THSD7A: variants seen among roughly 807,000 people sequenced by gnomAD.
The protein encoded by THSD7A is thrombospondin type 1 domain containing 7A, also known as thrombospondin type-1 domain-containing protein 7A.
In THSD7A, 96 loss-of-function variants were observed where a neutral mutation model predicts 231.3. The observed-to-expected ratio is 0.41, with a 90% CI of 0.35 to 0.49. THSD7A has a LOEUF of 0.49. Among genes scored for constraint, THSD7A ranks in the 20% least tolerant of loss-of-function variants. THSD7A has a pLI of 0.05. For missense variants in THSD7A, 2,290 were observed against 2,070.2 expected (o/e 1.11, Z -2.06); for synonymous variants, 940 against 743.3 (o/e 1.26, Z -4.30).
chr7:11,537,486 A>C (rs1788961239), intron 6 of THSD7A, among the ~76,000 whole-genome samples: 1 of 152,064 alleles, frequency 6.6e-6, no homozygotes. Context: ...TTGTTCAAAA[A>C]TGTGTGGCAT....
At chr7:11,383,851 G>A (rs536935237) in intron 23 of THSD7A, 78 of 152,106 alleles carry the variant, frequency 5.1e-4, no homozygotes, top group African/African-American at 1.8e-3. Context: ...GACCCTGGGA[G>A]ACACTGACAT....
intron 1 of THSD7A, among the ~76,000 whole-genome samples, chr7:11,808,721 A>G (rs1220731735): frequency 6.6e-6 from 1 of 152,154 alleles, no homozygotes; most frequent in Non-Finnish European, 1.5e-5. Flanking sequence ...TATAAACTAT[A>G]ATAATTTGAC....
intron 1 of THSD7A, among the ~76,000 whole-genome samples, chr7:11,769,177 T>TG (rs1783147373): frequency 7.6e-6 from 1 of 131,510 alleles, no homozygotes; most frequent in African/African-American, 2.8e-5. Context: ...TTGGTATTTT[T>TG]GTAGAGATGG....
chr7:11,537,153 T>A (rs1788947282), intron 6 of THSD7A, among the ~76,000 whole-genome samples: 1 of 152,122 alleles, frequency 6.6e-6, no homozygotes, highest in Non-Finnish European at 1.5e-5. Flanking sequence ...AAGAACTACT[T>A]GGGAAAGAAA....
chr7:11,516,705 G>A (rs1212446704), intron 6 of THSD7A, among the ~76,000 whole-genome samples: 1 of 152,162 alleles, frequency 6.6e-6, no homozygotes, highest in Non-Finnish European at 1.5e-5. Flanking sequence ...TTACAGAAAA[G>A]CTGAATTTAA....
intron 15 of THSD7A, among the ~76,000 whole-genome samples, chr7:11,425,514 A>AT (rs1784288884): frequency 1.3e-5 from 2 of 152,132 alleles, no homozygotes. Flanking sequence ...TCCAGGGTCC[A>AT]TAAAGCCTTT....
At chr7:11,738,610 T>C (rs546375611) in intron 1 of THSD7A, among the ~76,000 whole-genome samples, 2 of 151,962 alleles carry the variant, frequency 1.3e-5, no homozygotes, top group African/African-American at 2.4e-5. Flanking sequence ...CTGGTGAAAC[T>C]TGTGGTAGGC....
intron 1 of THSD7A, among the ~76,000 whole-genome samples, chr7:11,742,200 A>T (rs917621379): frequency 1.3e-5 from 2 of 151,998 alleles, no homozygotes; most frequent in Non-Finnish European, 2.9e-5. Flanking sequence ...GAGGCAGTAT[A>T]AGAACAGATA....
chr7:11,704,636 T>G (rs368379441), intron 1 of THSD7A, among the ~76,000 whole-genome samples: 1 of 151,002 alleles, frequency 6.6e-6, no homozygotes, highest in African/African-American at 2.4e-5. Flanking sequence ...TCTATTGATC[T>G]TATTCATCTT....
chr7:11,414,335 G>C (rs1039521670), intron 17 of THSD7A, among the ~76,000 whole-genome samples: 1 of 152,146 alleles, frequency 6.6e-6, no homozygotes, highest in Non-Finnish European at 1.5e-5. Context: ...CACCATTTTT[G>C]GTACGTGGGA....
rs555240736 is a variant in THSD7A at position 11,386,905 on chromosome 7, G to C, written c.4412-4289C>G. 2.6e-5 allele frequency among the ~76,000 whole-genome samples: 4 copies of C among 152,178 alleles called. No homozygotes were observed. The East Asian group carries it at 7.7e-4, about 29-fold the overall frequency. On this transcript the variant is annotated intron_variant, in intron 23 of 27. Transcript: ENST00000423059. ...TTTCTGTATAAGGTGTAAGGAAGGG[G>C]TCCAGTTTCAGTTTTCTGCATATGG...
In THSD7A at chr7:11,831,821, C is replaced by G; in HGVS notation, c.126G>C (p.Pro42=). 6.9e-7 allele frequency: 1 copy of G among 1,443,306 alleles called. No homozygotes were observed. Among genetic ancestry groups the G allele is most frequent in the Non-Finnish European group, 9.1e-7 (1 of 1,094,464 alleles). The allele number at this position is 1,443,306 out of a possible 1,614,324, so 89.4% of individuals were successfully genotyped here. A position where few individuals can be genotyped will look rare whatever the true frequency, so the allele number is the denominator to read the frequency against. The change falls in exon 1 of 28, where the codon CCG becomes CCC. Residue 42 remains proline (P), a synonymous_variant. Transcript: ENST00000423059. This position sits in a 1 kb window ranked among gnomAD's most constrained non-coding sequence, Gnocchi z 5.0. ...CCTGCGCCGCAGCCCTGCCGGCGCC[C>G]GGGCGTAGCAGCAGCAGCAGGAGCA... is the stretch of plus-strand genomic sequence containing the variant. ...LPLLLLLLLR[P]GAGRAAAQGE...
At chr7:11,579,632 T>G (rs1260246807) in intron 4 of THSD7A, among the ~76,000 whole-genome samples, 7 of 152,164 alleles carry the variant, frequency 4.6e-5, no homozygotes. Flanking sequence ...TGAAACAGTA[T>G]CTATCCTTCC....
chr7:11,795,869 C>G (rs1282038432), intron 1 of THSD7A, among the ~76,000 whole-genome samples: 3 of 151,340 alleles, frequency 2.0e-5, no homozygotes, highest in Non-Finnish European at 4.4e-5. Flanking sequence ...AACAACTAAG[C>G]AAAAATTCAT....
At chr7:11,667,195 C>T (rs976440146) in intron 1 of THSD7A, among the ~76,000 whole-genome samples, 3 of 151,898 alleles carry the variant, frequency 2.0e-5, no homozygotes, top group Non-Finnish European at 4.4e-5. Flanking sequence ...AGTCTTTTAG[C>T]CCTCACCCCT....
Position 11,590,426 on chromosome 7 carries a change from A to C in THSD7A, c.1453+34T>G. On this transcript the variant is annotated intron_variant, in intron 4 of 27. Coordinates refer to ENST00000423059, the MANE Select transcript of THSD7A (RefSeq NM_015204.3). The surrounding 1 kb of genome is among the most constrained non-coding windows in gnomAD (Gnocchi z 4.4). ...GCAATCACATGCTCAGTCAGTCTTC[A>C]TAAGTGAATCCTTGAGAAGAAAGCA... is the stretch of plus-strand genomic sequence containing the variant. 6.3e-7 allele frequency: 1 copy of C among 1,585,042 alleles called. No individual in the cohort carries two copies. Among genetic ancestry groups the C allele is most frequent in the Middle Eastern group, 1.7e-4 (1 of 5,884 alleles).
chr7:11,754,527 C>T lies in THSD7A; in HGVS notation c.190+77230G>A, dbSNP rs117888400. Among the ~76,000 whole-genome samples the T allele has an allele frequency of 4.8e-3, 724 of 152,174 alleles. 11 individuals carry two copies. The highest frequency in any genetic ancestry group is 0.031 in the East Asian group (159 of 5,162). ...ACTTTTAGCATGAATCTTTCTTCTG[C>T]TTCTTGTCAAGATGGTCCCCTTGGA... On this transcript the variant is annotated intron_variant, in intron 1 of 27. Coordinates refer to ENST00000423059, the MANE Select transcript of THSD7A (RefSeq NM_015204.3).
chr7:11,517,299 T>C (rs372129380), intron 6 of THSD7A, among the ~76,000 whole-genome samples: 3 of 152,088 alleles, frequency 2.0e-5, no homozygotes, highest in African/African-American at 7.2e-5. Context: ...AGGCTGGTCT[T>C]GAACTCCTGA....
chr7:11,591,646 T>C (rs1011873921), intron 3 of THSD7A, among the ~76,000 whole-genome samples: 1 of 152,152 alleles, frequency 6.6e-6, no homozygotes, highest in Non-Finnish European at 1.5e-5. Context: ...TGTTTTTAAA[T>C]TTTATAAGTG....
Sources: allele counts gnomAD v4.1 joint callset (sites outside exome capture counted in the v4.1 genomes callset), GRCh38; gene constraint gnomAD v4.1.1; non-coding constraint Gnocchi (gnomAD v3.1); transcripts MANE v1.5; gene names NCBI Gene and HGNC (gene_info 2026-07-23, HGNC 2026-07-21).